Variants in UBE2G1 observed in about 807,000 individuals in gnomAD.
UBE2G1 encodes ubiquitin-conjugating enzyme E2 G1.
Under a neutral mutation model 22.7 loss-of-function variants are expected in UBE2G1, and 5 were observed. That is an observed-to-expected ratio of 0.22 (90% CI 0.12 to 0.46). The LOEUF is 0.46. UBE2G1 is among the 20% of genes least tolerant of loss of function. The probability of loss-of-function intolerance (pLI) is 0.99; values close to 1 mark genes in which losing one functional copy is unlikely to be tolerated. For missense variants in UBE2G1, 88 were observed against 203.9 expected, an observed-to-expected ratio of 0.43 and a Z score of 3.46; for synonymous variants, 74 against 67.5, an observed-to-expected ratio of 1.10 and a Z score of -0.47.
intron 1 of UBE2G1, among the ~76,000 whole-genome samples, chr17:4,340,188 T>C (rs770303892): frequency 1.3e-5 from 2 of 152,178 alleles, no homozygotes; most frequent in Non-Finnish European, 2.9e-5. Flanking sequence ...CCCAAAATGT[T>C]GGGGTAACAG....
rs149626914 is a variant in UBE2G1, at chr17:4,352,840, C to T, written c.46+13431G>A. Reference sequence around the variant, plus strand: ...CTGTAATCCCAGCACTTTGGGAGGCCGAGGCGGGCAGACTGCCTGAGCTCA... The same window carrying T: ...CTGTAATCCCAGCACTTTGGGAGGCTGAGGCGGGCAGACTGCCTGAGCTCA... On this transcript the variant is annotated intron_variant, in intron 1 of 5. Transcript: ENST00000396981. Among the ~76,000 whole-genome samples the T allele has an allele frequency of 6.2e-3, 948 of 152,056 alleles. 23 individuals are homozygous for T. Among genetic ancestry groups the T allele is most frequent in the Admixed American group, 0.05 (756 of 15,254 alleles).
intron 2 of UBE2G1, chr17:4,301,971 G>A (rs1023846171): frequency 3.1e-5 from 15 of 488,732 alleles, no homozygotes; most frequent in Admixed American, 2.0e-4. Context: ...TCACTAATCT[G>A]TGCCTTCCTT....
At chr17:4,342,177 A>C (rs1276216214) in intron 1 of UBE2G1, among the ~76,000 whole-genome samples, 2 of 152,218 alleles carry the variant, frequency 1.3e-5, no homozygotes, top group East Asian at 3.8e-4. Context: ...ACAAATCAAA[A>C]GTAGCATATT....
At chr17:4,336,699 G>T (rs1405138552) in intron 1 of UBE2G1, among the ~76,000 whole-genome samples, 2 of 152,000 alleles carry the variant, frequency 1.3e-5, no homozygotes, top group African/African-American at 4.8e-5. Context: ...GCTAATTTTT[G>T]TATTTTTAGT....
At chr17:4,318,794 A>G (rs1457086281) in intron 1 of UBE2G1, among the ~76,000 whole-genome samples, 1 of 152,232 alleles carries the variant, frequency 6.6e-6, no homozygotes, top group Non-Finnish European at 1.5e-5. Flanking sequence ...GTGAGTCGTA[A>G]GCATGCTGCT....
At chr17:4,287,052 AAAAT>A (rs1968972141) in intron 4 of UBE2G1, among the ~76,000 whole-genome samples, 1 of 152,038 alleles carries the variant, frequency 6.6e-6, no homozygotes, top group Admixed American at 6.6e-5. Flanking sequence ...CTCTGTCTCA[AAAAT>A]AAATAAATAC....
At chr17:4,283,072 C>CA in intron 4 of UBE2G1, 151 bp from the exon 5 acceptor site, 1 of 635,844 alleles carries the variant, frequency 1.6e-6, no homozygotes, top group Non-Finnish European at 2.6e-6. Context: ...GTTAGACATA[C>CA]TTTTTCAAGA....
intron 1 of UBE2G1, among the ~76,000 whole-genome samples, chr17:4,339,019 G>A (rs998398121): frequency 6.6e-6 from 1 of 152,062 alleles, no homozygotes; most frequent in Non-Finnish European, 1.5e-5. Context: ...CATAGTAATG[G>A]TATTATCCAC....
chr17:4,342,465 T>C (rs1302261902), intron 1 of UBE2G1, among the ~76,000 whole-genome samples: 2 of 152,204 alleles, frequency 1.3e-5, no homozygotes, highest in Non-Finnish European at 2.9e-5. Flanking sequence ...CAGTGGTGCA[T>C]GCCTATGGTC....
At chr17:4,318,489 G>A (rs758575390) in intron 1 of UBE2G1, among the ~76,000 whole-genome samples, 5 of 152,116 alleles carry the variant, frequency 3.3e-5, no homozygotes, top group Admixed American at 2.0e-4. Flanking sequence ...AAGCCAAAAC[G>A]AAGAATAAGC....
In UBE2G1 at chr17:4,272,498, A is replaced by T. The variant is rs1273549600; in HGVS notation, c.*56T>A. The T allele has an allele frequency of 5.4e-6, 1 of 186,748 alleles. No homozygotes were observed. The highest frequency in any genetic ancestry group is 2.4e-5 in the African/African-American group (1 of 41,588). The allele number at this position is 186,748 out of a possible 1,614,324, so 11.6% of individuals were successfully genotyped here. A position where few individuals can be genotyped will look rare whatever the true frequency, so the allele number is the denominator to read the frequency against. On this transcript the variant is annotated 3_prime_UTR_variant, in exon 6 of 6. Coordinates refer to ENST00000396981, the MANE Select transcript of UBE2G1 (RefSeq NM_003342.5). ...GGTAGAGTGCAGGAAAAACAGTGCC[A>T]TGTTTCTCAATTGGAGACCTACAAC...
At chr17:4,273,917 TTA>T (rs1968790097) in intron 5 of UBE2G1, among the ~76,000 whole-genome samples, 1 of 152,014 alleles carries the variant, frequency 6.6e-6, no homozygotes, top group African/African-American at 2.4e-5. Flanking sequence ...ACCTAAAGAG[TTA>T]TGACAAATTT....
intron 1 of UBE2G1, among the ~76,000 whole-genome samples, chr17:4,320,414 T>G (rs1428379880): frequency 6.6e-6 from 1 of 152,204 alleles, no homozygotes; most frequent in South Asian, 2.1e-4. Flanking sequence ...GTCAATAATT[T>G]CTTCAATATT....
Position 4,282,759 on chromosome 17 carries a change from T to TA in UBE2G1, c.*37+38dup, listed in dbSNP as rs1968910483. The TA allele has an allele frequency of 2.1e-6, 3 of 1,399,948 alleles. No individual in the cohort carries two copies. In the African/African-American group the frequency reaches 4.4e-5, roughly 20 times the overall value. The allele number at this position is 1,399,948 out of a possible 1,614,324, so 86.7% of individuals were successfully genotyped here. On this transcript the variant is annotated intron_variant, in intron 5 of 5. Coordinates refer to ENST00000396981, the MANE Select transcript of UBE2G1 (RefSeq NM_003342.5). ...AATTTCCAAAAACTAATAGGATACTTACAAAAAAACAAAAGTATGATATTT... is the reference window on the plus strand; with the variant it reads ...AATTTCCAAAAACTAATAGGATACTTAACAAAAAAACAAAAGTATGATATTT...
chr17:4,328,829 G>T (rs1969530915), intron 1 of UBE2G1, among the ~76,000 whole-genome samples: 1 of 152,340 alleles, frequency 6.6e-6, no homozygotes, highest in South Asian at 2.1e-4. Flanking sequence ...GCTCACGCCT[G>T]TAATCCCCGC....
At chr17:4,340,380 C>A (rs1969697125) in intron 1 of UBE2G1, among the ~76,000 whole-genome samples, 3 of 152,184 alleles carry the variant, frequency 2.0e-5, no homozygotes, top group Non-Finnish European at 4.4e-5. Flanking sequence ...TTCCAAGCAT[C>A]TCCCGGTTCC....
At chr17:4,336,413 A>C (rs905185025) in intron 1 of UBE2G1, among the ~76,000 whole-genome samples, 1 of 152,194 alleles carries the variant, frequency 6.6e-6, no homozygotes, top group Non-Finnish European at 1.5e-5. Flanking sequence ...CTGAATTCAA[A>C]CTGAAAGAAT....
chr17:4,302,386 G>C (rs1969193762), intron 2 of UBE2G1: 2 of 490,106 alleles, frequency 4.1e-6, no homozygotes, highest in South Asian at 3.2e-5. Flanking sequence ...GTGTCTTCTG[G>C]GAATCTCCTA....
chr17:4,345,821 C>T (rs1274928694), intron 1 of UBE2G1: 1 of 152,094 alleles, frequency 6.6e-6, no homozygotes, highest in African/African-American at 2.4e-5. Context: ...TGTAGATCCC[C>T]AAGTAAAAAT....
Sources: gnomAD v4.1 joint callset for allele counts (sites outside exome capture counted in the v4.1 genomes callset) on GRCh38, gnomAD v4.1.1 for gene constraint, MANE v1.5 for transcripts, NCBI Gene and HGNC (gene_info 2026-07-23, HGNC 2026-07-21) for gene names.